Variants in SRGAP3 observed in about 807,000 individuals in gnomAD.
The protein encoded by SRGAP3 is SLIT-ROBO Rho GTPase activating protein 3.
In SRGAP3, 39 loss-of-function variants were observed where a neutral mutation model predicts 121.1. The ratio of observed to expected loss-of-function variants is 0.32; its 90% CI spans 0.25 to 0.42. The LOEUF (loss-of-function observed/expected upper bound fraction) is 0.42. Ranked by LOEUF, SRGAP3 falls within the 10% of genes least tolerant of loss-of-function variation. The pLI, the probability that SRGAP3 is intolerant of heterozygous loss-of-function variation, is 1.00. For missense variants in SRGAP3, 1,213 were observed against 1,470.6 expected (o/e 0.82, Z 2.86); for synonymous variants, 601 against 570.0 (o/e 1.05, Z -0.77).
chr3:9,360,657 CAGCAAGAA>C (rs2030749536), intron 1 of SRGAP3, among the ~76,000 whole-genome samples: 2 of 152,190 alleles, frequency 1.3e-5, no homozygotes, highest in Admixed American at 6.5e-5. Flanking sequence ...TACATGGCGG[CAGCAAGAA>C]AGAGAATGGG....
chr3:9,142,802 G>A (rs77929890), intron 1 of SRGAP3, among the ~76,000 whole-genome samples: 52 of 143,014 alleles, frequency 3.6e-4, no homozygotes, highest in African/African-American at 1.2e-3. Context: ...AGCCTACTGC[G>A]TGTCAACCAA....
Position 8,985,256 on chromosome 3 carries a change from T to G in SRGAP3, c.*263A>C. 5.5e-5 allele frequency: 34 copies of G among 612,944 alleles called. No individual in the cohort carries two copies. The highest frequency in any genetic ancestry group is 4.7e-4 in the Middle Eastern group (1 of 2,110). 38.0% of individuals were successfully genotyped at this position (612,944 alleles called of 1,614,324 possible). A position where few individuals can be genotyped will look rare whatever the true frequency, so the allele number is the denominator to read the frequency against. ...GAAGCCATGTGGTATTTTGCCTCCA[T>G]GTTAGGGAATGCTGTGGTTGGGGCT... On this transcript the variant is annotated 3_prime_UTR_variant, in exon 22 of 22. Transcript: ENST00000383836. The surrounding 1 kb of genome is among the most constrained non-coding windows in gnomAD (Gnocchi z 5.1).
At chr3:9,029,990 AATT>A (rs1055824400) in intron 12 of SRGAP3, among the ~76,000 whole-genome samples, 3 of 151,212 alleles carry the variant, frequency 2.0e-5, no homozygotes, top group Non-Finnish European at 2.9e-5. Context: ...AAAAAAAAAA[AATT>A]ATTTTTTAAT....
intron 18 of SRGAP3, among the ~76,000 whole-genome samples, chr3:8,999,695 G>T (rs1439776908): frequency 6.6e-6 from 1 of 152,168 alleles, no homozygotes; most frequent in Non-Finnish European, 1.5e-5. Flanking sequence ...AGAAGCCAGG[G>T]CCTGTTTACA....
At chr3:9,332,188 T>C (rs1955620335) in intron 1 of SRGAP3, among the ~76,000 whole-genome samples, 1 of 152,176 alleles carries the variant, frequency 6.6e-6, no homozygotes, top group Non-Finnish European at 1.5e-5. Context: ...TGGTGCCATC[T>C]TGGCTCACTG....
In SRGAP3 at chr3:9,109,303, C is replaced by A. The variant is rs1438282427; in HGVS notation, c.261-4461G>T. Among the ~76,000 whole-genome samples, 1 of 152,000 alleles carries A rather than the reference C, an allele frequency of 6.6e-6. No homozygotes were observed. Among genetic ancestry groups the A allele is most frequent in the African/African-American group, 2.4e-5 (1 of 41,382 alleles). On this transcript the variant is annotated intron_variant, in intron 2 of 21. Transcript: ENST00000383836. This position sits in a 1 kb window ranked among gnomAD's most constrained non-coding sequence, Gnocchi z 4.4. ...GGGAATTGCTGGGACAGTTTGGGGA[C>A]CATTAACTAGGTCATCTAGCCAGAG...
At chr3:8,994,569 G>A (rs763017875) in intron 18 of SRGAP3, 46 bp from the exon 19 acceptor site, 3 of 1,603,656 alleles carry the variant, frequency 1.9e-6, no homozygotes, top group Admixed American at 1.7e-5. Context: ...TCAGCAAAGT[G>A]GCAGCTCAGG....
rs775941412 is a variant in SRGAP3, at chr3:9,013,289, A to G, written c.2147+19T>C. ...TAACAATGACGATGATAATAATATT[A>G]AGAGGAATGGCATCTTACCAATATT... On this transcript the variant is annotated intron_variant, in intron 17 of 21. Coordinates refer to ENST00000383836, the MANE Select transcript of SRGAP3 (RefSeq NM_014850.4). 6.2e-7 allele frequency: 1 copy of G among 1,605,116 alleles called. No homozygotes were observed. The highest frequency in any genetic ancestry group is 8.5e-7 in the Non-Finnish European group (1 of 1,172,106).
At chr3:9,015,826 C>T in intron 14 of SRGAP3, 95 bp from the exon 15 acceptor site, 1 of 1,511,262 alleles carries the variant, frequency 6.6e-7, no homozygotes. Flanking sequence ...CAGCCTGAAC[C>T]ACAGGAAAGG....
At chr3:9,258,961 A>G (rs181912156) in intron 3 of SRGAP3, among the ~76,000 whole-genome samples, 105 of 152,288 alleles carry the variant, frequency 6.9e-4, no homozygotes, top group African/African-American at 2.4e-3. Context: ...CTCGCACTTA[A>G]GAGTTGAATG....
rs1272946617 is a variant in SRGAP3, at chr3:9,047,440, G to C, written c.1359C>G (p.Ile453Met). The C allele has an allele frequency of 6.2e-7, 1 of 1,614,092 alleles. No homozygotes were observed. The highest frequency in any genetic ancestry group is 1.3e-5 in the African/African-American group (1 of 74,924). Reference sequence around the variant, plus strand: ...AATCGTGCTTGGCCTGCAGCTTGGTGATGAGGTTACTGCCATTCACATACT... The same window carrying C: ...AATCGTGCTTGGCCTGCAGCTTGGTCATGAGGTTACTGCCATTCACATACT... Reference protein sequence around the residue: ...FKEYVNGSNLITKLQAKHDLL... With the variant: ...FKEYVNGSNLMTKLQAKHDLL... Residue 453 changes from isoleucine (I) to methionine (M), a missense_variant, in exon 10 of 22, where the codon ATC (isoleucine) becomes ATG (methionine). Physicochemically the swap from Ile to Met is conservative, Grantham distance 10 (BLOSUM62 1). This residue lies in a region of SRGAP3 where 793 missense variants were observed against 1,032.9 expected (regional missense o/e 0.77). Transcript: ENST00000383836.
intron 3 of SRGAP3, among the ~76,000 whole-genome samples, chr3:9,302,653 G>A (rs1436176614): frequency 1.3e-5 from 2 of 152,156 alleles, no homozygotes; most frequent in Non-Finnish European, 2.9e-5. Context: ...GCTTAGACAC[G>A]CTCAAAACCC....
At chr3:9,000,554 T>G (rs146386152) in intron 18 of SRGAP3, among the ~76,000 whole-genome samples, 260 of 152,322 alleles carry the variant, frequency 1.7e-3, no homozygotes, top group African/African-American at 6.0e-3. Context: ...TTGGAGAAGT[T>G]CAAGTCGAAG....
At chr3:9,043,995 A>G (rs922164848) in intron 10 of SRGAP3, among the ~76,000 whole-genome samples, 8 of 152,152 alleles carry the variant, frequency 5.3e-5, no homozygotes, top group Non-Finnish European at 1.2e-4. Context: ...TGGCCAATAA[A>G]ATGGCATAGC....
intron 10 of SRGAP3, among the ~76,000 whole-genome samples, chr3:9,046,444 C>T (rs576332114): frequency 2.6e-5 from 4 of 152,248 alleles, no homozygotes; most frequent in East Asian, 1.9e-4. Context: ...AGCATGGCTG[C>T]GGCACAGTAA....
chr3:8,981,110 A>G lies in SRGAP3; in HGVS notation c.*4409T>C, dbSNP rs1490963966. The G allele has an allele frequency of 4.3e-6, 1 of 233,034 alleles. No individual in the cohort carries two copies. Among genetic ancestry groups the G allele is most frequent in the African/African-American group, 2.2e-5 (1 of 45,332 alleles). The allele number at this position is 233,034 out of a possible 1,614,324, so 14.4% of individuals were successfully genotyped here. ...GGGACAGCAGGACACTGGCAGATCAATCTCAGGGAGGTCAGGAGGGCTTGG... is the reference window on the plus strand; with the variant it reads ...GGGACAGCAGGACACTGGCAGATCAGTCTCAGGGAGGTCAGGAGGGCTTGG... On this transcript the variant is annotated 3_prime_UTR_variant, in exon 22 of 22. Coordinates refer to ENST00000383836, the MANE Select transcript of SRGAP3 (RefSeq NM_014850.4).
chr3:9,058,708 C>T lies in SRGAP3; in HGVS notation c.802-236G>A, dbSNP rs1945963788. 10 of 460,558 alleles carry T rather than the reference C, an allele frequency of 2.2e-5. No homozygotes were observed. The South Asian group carries it at 2.3e-4, about 11-fold the overall frequency. The allele number at this position is 460,558 out of a possible 1,614,324, so 28.5% of individuals were successfully genotyped here. On this transcript the variant is annotated intron_variant, in intron 6 of 21. Coordinates refer to ENST00000383836, the MANE Select transcript of SRGAP3 (RefSeq NM_014850.4). ...GGTTCCCTATATTCACCATCTTTCT[C>T]TCTCTCTTTTTTTTTTTTTTTTTTT...
intron 1 of SRGAP3, among the ~76,000 whole-genome samples, chr3:9,205,429 T>C (rs1952231626): frequency 6.6e-6 from 1 of 152,232 alleles, no homozygotes; most frequent in Admixed American, 6.5e-5. Context: ...ACATGTGGCT[T>C]GGTGGCTACC....
intron 1 of SRGAP3, among the ~76,000 whole-genome samples, chr3:9,208,813 T>C (rs1223954470): frequency 6.6e-6 from 1 of 152,260 alleles, no homozygotes; most frequent in Non-Finnish European, 1.5e-5. Context: ...AGCAAGTTGC[T>C]GTCAAAGTCC....
Sources: gnomAD v4.1 joint callset for allele counts (sites outside exome capture counted in the v4.1 genomes callset) on GRCh38, gnomAD v4.1.1 for gene constraint, gnomAD v4.1.1 regional missense constraint, Gnocchi (gnomAD v3.1) non-coding constraint, MANE v1.5 for transcripts, NCBI Gene and HGNC (gene_info 2026-07-23, HGNC 2026-07-21) for gene names.